The following LAMA3 variants were observed in gnomAD, a reference collection of about 807,000 sequenced individuals.
LAMA3 encodes the protein laminin subunit alpha 3.
In LAMA3, 281 loss-of-function variants were observed where a neutral mutation model predicts 402.0. The ratio of observed to expected loss-of-function variants is 0.70; its 90% CI spans 0.63 to 0.77. The LOEUF (loss-of-function observed/expected upper bound fraction) is 0.77. Among genes scored for constraint, LAMA3 ranks in the 30% least tolerant of loss-of-function variants. The pLI, the probability that LAMA3 is intolerant of heterozygous loss-of-function variation, is 0.00. For missense variants in LAMA3, 3,840 were observed against 4,215.5 expected (o/e 0.91, Z 2.47); for synonymous variants, 1,431 against 1,558.4 (o/e 0.92, Z 1.93).
At chr18:23,816,781 T>G (rs2063184145) in intron 18 of LAMA3, among the ~76,000 whole-genome samples, 1 of 152,104 alleles carries the variant, frequency 6.6e-6, no homozygotes, top group Non-Finnish European at 1.5e-5. Context: ...TGAAGTGGGT[T>G]CTCAGGGCTC....
intron 42 of LAMA3, among the ~76,000 whole-genome samples, chr18:23,893,686 G>A (rs1182386290): frequency 6.6e-6 from 1 of 152,168 alleles, no homozygotes; most frequent in Non-Finnish European, 1.5e-5. Context: ...CACCACATCT[G>A]TCACACTGTT....
At chr18:23,708,805 G>A (rs2060936601) in intron 1 of LAMA3, among the ~76,000 whole-genome samples, 1 of 151,360 alleles carries the variant, frequency 6.6e-6, no homozygotes, top group Non-Finnish European at 1.5e-5. Context: ...TGCCCAGGCT[G>A]GAGTGCAATT....
chr18:23,901,081 A>G, intron 47 of LAMA3, 46 bp from the exon 48 acceptor site: 2 of 1,507,926 alleles, frequency 1.3e-6, no homozygotes, highest in Middle Eastern at 1.7e-4. Flanking sequence ...ACCCAGCTTC[A>G]GTATGCTCAT....
chr18:23,814,542 T>G (rs762850106), intron 15 of LAMA3, 40 bp downstream of exon 15: 3 of 1,304,830 alleles, frequency 2.3e-6, no homozygotes, highest in Non-Finnish European at 3.3e-6. Flanking sequence ...TATTATAATG[T>G]TCTCTTAATT....
chr18:23,787,345 G>C (rs938670484), intron 12 of LAMA3, among the ~76,000 whole-genome samples: 1 of 151,924 alleles, frequency 6.6e-6, no homozygotes, highest in Non-Finnish European at 1.5e-5. Flanking sequence ...CACAACATAT[G>C]GGTAATGAGA....
At chr18:23,728,861 T>C (rs1382289041) in intron 2 of LAMA3, among the ~76,000 whole-genome samples, 5 of 151,868 alleles carry the variant, frequency 3.3e-5, no homozygotes, top group Admixed American at 6.5e-5. Flanking sequence ...TGAAACTCTG[T>C]CTCTACTAAA....
intron 12 of LAMA3, among the ~76,000 whole-genome samples, chr18:23,804,735 A>G (rs1598826718): frequency 6.6e-6 from 1 of 152,294 alleles, no homozygotes; most frequent in South Asian, 2.1e-4. Flanking sequence ...TGTTTGGATC[A>G]TGGAGATGGA....
rs544011827 is a variant in LAMA3 at position 23,839,946 on chromosome 18, A to G, written c.3336+17A>G. The G allele has an allele frequency of 2.5e-6, 4 of 1,613,904 alleles. No homozygotes were observed. Among genetic ancestry groups the G allele is most frequent in the Non-Finnish European group, 3.4e-6 (4 of 1,179,800 alleles). On this transcript the variant is annotated intron_variant, in intron 27 of 74. Transcript: ENST00000313654. This position sits in a 1 kb window ranked among gnomAD's most constrained non-coding sequence, Gnocchi z 4.5. ...GCACCGCAGGTAGTGTGCTGTTTCT[A>G]AACCAGTGGTTCTCAAAGTATGACC...
rs1375368030 is a variant in LAMA3 at position 23,842,690 on chromosome 18, C to T, written c.3543C>T (p.Asp1181=). 6.2e-7 allele frequency: 1 copy of T among 1,614,214 alleles called. No individual in the cohort carries two copies. Among genetic ancestry groups the T allele is most frequent in the Non-Finnish European group, 8.5e-7 (1 of 1,180,042 alleles). Reference sequence around the variant, plus strand: ...TTGCCGAAGGCCAGATTGAGTTTGACATCTCAGAGCCTGAAGTGGCCGCAA... The same window carrying T: ...TTGCCGAAGGCCAGATTGAGTTTGATATCTCAGAGCCTGAAGTGGCCGCAA... ...QVIAEGQIEF[D]ISEPEVAATV... The change falls in exon 29 of 75, where the codon GAC becomes GAT. Residue 1181 remains aspartate (D), a synonymous_variant. Coordinates refer to ENST00000313654, the MANE Select transcript of LAMA3 (RefSeq NM_198129.4).
intron 37 of LAMA3, among the ~76,000 whole-genome samples, chr18:23,868,960 C>G (rs367913018): frequency 3.9e-5 from 6 of 152,056 alleles, no homozygotes; most frequent in Non-Finnish European, 8.8e-5. Flanking sequence ...TGAAAAGGTA[C>G]ATCTATACAA....
intron 52 of LAMA3, among the ~76,000 whole-genome samples, chr18:23,906,865 C>T (rs140780409): frequency 1.6e-3 from 244 of 152,268 alleles, no homozygotes; most frequent in African/African-American, 5.6e-3. Context: ...GTCCTGGAAT[C>T]GTAATTGAAG....
intron 67 of LAMA3, among the ~76,000 whole-genome samples, chr18:23,936,326 T>C (rs2082312886): frequency 6.6e-6 from 1 of 151,960 alleles, no homozygotes; most frequent in African/African-American, 2.4e-5. Flanking sequence ...GTCATGTTGG[T>C]GTGCTGCACC....
At chr18:23,890,322 C>T (rs1210365429) in intron 42 of LAMA3, among the ~76,000 whole-genome samples, 1 of 152,094 alleles carries the variant, frequency 6.6e-6, no homozygotes, top group Non-Finnish European at 1.5e-5. Context: ...GTATTTTCAG[C>T]TTTGGTGAAT....
chr18:23,754,495 A>G (rs950628089), intron 6 of LAMA3, among the ~76,000 whole-genome samples: 3 of 152,208 alleles, frequency 2.0e-5, no homozygotes, highest in Non-Finnish European at 4.4e-5. Flanking sequence ...CATATTGAGC[A>G]TGTGTCAGAA....
chr18:23,716,320 G>A (rs2061098729), intron 2 of LAMA3, among the ~76,000 whole-genome samples: 1 of 152,112 alleles, frequency 6.6e-6, no homozygotes, highest in Admixed American at 6.5e-5. Context: ...ACCATGCCTG[G>A]CTAACTTTTT....
Position 23,846,469 on chromosome 18 carries a change from C to T in LAMA3, c.3892C>T (p.Arg1298Cys), listed in dbSNP as rs766625238. 1.8e-5 allele frequency: 29 copies of T among 1,612,704 alleles called. No individual in the cohort carries two copies. Among genetic ancestry groups the T allele is most frequent in the East Asian group, 1.1e-4 (5 of 44,888 alleles). The change falls in exon 31 of 75, where the codon CGC becomes TGC. Residue 1298 changes from arginine (R) to cysteine (C), a missense_variant. Transcript: ENST00000313654. Reference protein sequence around the residue: ...QPNVIGRQCTRCATGHYGFPR... With the variant: ...QPNVIGRQCTCCATGHYGFPR... The stretch of plus-strand genomic sequence containing the variant: ...CAACGTCATCGGGCGGCAGTGCACC[C>T]GCTGTGCAACAGGCCACTACGGATT...
chr18:23,930,326 A>G (rs1189385365), intron 64 of LAMA3, among the ~76,000 whole-genome samples: 1 of 152,258 alleles, frequency 6.6e-6, no homozygotes, highest in Non-Finnish European at 1.5e-5. Context: ...AAAATTTATA[A>G]TGACTGAAGA....
intron 4 of LAMA3, among the ~76,000 whole-genome samples, chr18:23,750,032 G>T (rs897789828): frequency 6.6e-6 from 1 of 152,144 alleles, no homozygotes; most frequent in Non-Finnish European, 1.5e-5. Flanking sequence ...GATAGAAAGA[G>T]CCTGCTTCCC....
chr18:23,744,831 CAAAAA>C (rs755527455), intron 2 of LAMA3, among the ~76,000 whole-genome samples: 3 of 31,076 alleles, frequency 9.7e-5, no homozygotes, highest in African/African-American at 3.0e-4. Flanking sequence ...GACTCTGTCT[CAAAAA>C]AAAAAAAAAA....
Sources: allele counts gnomAD v4.1 joint callset (sites outside exome capture counted in the v4.1 genomes callset), GRCh38; gene constraint gnomAD v4.1.1; non-coding constraint Gnocchi (gnomAD v3.1); transcripts MANE v1.5; gene names NCBI Gene and HGNC (gene_info 2026-07-23, HGNC 2026-07-21).